Variants in PTPRM observed in about 807,000 individuals in gnomAD.
PTPRM encodes protein tyrosine phosphatase receptor type M.
In PTPRM, 47 loss-of-function variants were observed where a neutral mutation model predicts 186.7. That is an observed-to-expected ratio of 0.25 (90% CI 0.20 to 0.32). The LOEUF (loss-of-function observed/expected upper bound fraction) is 0.32. PTPRM is among the 10% of genes least tolerant of loss of function. The pLI, the probability that PTPRM is intolerant of heterozygous loss-of-function variation, is 1.00. For missense variants in PTPRM, 1,494 were observed against 1,865.0 expected (o/e 0.80, Z 3.66); for synonymous variants, 668 against 674.9 (o/e 0.99, Z 0.16).
At chr18:7,890,158 G>T (rs574764662) in intron 3 of PTPRM, among the ~76,000 whole-genome samples, 2 of 152,258 alleles carry the variant, frequency 1.3e-5, no homozygotes, top group African/African-American at 4.8e-5. Context: ...CAACTACGAG[G>T]AGGAATAAAG....
chr18:7,778,524 C>T (rs746198438), intron 2 of PTPRM, among the ~76,000 whole-genome samples: 3 of 151,928 alleles, frequency 2.0e-5, no homozygotes, highest in African/African-American at 4.8e-5. Flanking sequence ...TGAAGTGGCA[C>T]GATTTCAGAT....
chr18:7,930,364 C>G (rs60647787), intron 5 of PTPRM, among the ~76,000 whole-genome samples: 15,412 of 152,194 alleles, frequency 0.1, 846 homozygotes, highest in Middle Eastern at 0.29. Context: ...GCCACCATGC[C>G]CGACCTATTT....
chr18:7,880,974 TTTGCAAAA>T (rs1439056124), intron 2 of PTPRM, among the ~76,000 whole-genome samples: 3 of 152,322 alleles, frequency 2.0e-5, no homozygotes, highest in Non-Finnish European at 4.4e-5. Flanking sequence ...TTGATTTGAT[TTTGCAAAA>T]TGCAATTGAG....
intron 2 of PTPRM, among the ~76,000 whole-genome samples, chr18:7,813,625 C>G (rs149881736): frequency 1.8e-4 from 27 of 152,088 alleles, no homozygotes; most frequent in African/African-American, 6.5e-4. Context: ...CTTTTCTTCT[C>G]TTATCTCTTT....
intron 4 of PTPRM, among the ~76,000 whole-genome samples, chr18:7,922,865 G>A (rs2050945076): frequency 1.3e-5 from 2 of 152,134 alleles, no homozygotes; most frequent in Admixed American, 1.3e-4. Flanking sequence ...AAACCTCAGT[G>A]TTCAATAATG....
chr18:7,920,601 G>T (rs946192704), intron 4 of PTPRM, among the ~76,000 whole-genome samples: 1 of 152,058 alleles, frequency 6.6e-6, no homozygotes. Context: ...TTTGTCTTTT[G>T]GGCTTCACAA....
chr18:7,920,933 T>C (rs560958404), intron 4 of PTPRM, among the ~76,000 whole-genome samples: 17 of 152,336 alleles, frequency 1.1e-4, no homozygotes, highest in Middle Eastern at 3.4e-3. Flanking sequence ...TCTTATACAC[T>C]CCTGTTTTCA....
Position 8,336,780 on chromosome 18 carries a change from C to T in PTPRM, c.2957-6643C>T, listed in dbSNP as rs1259516026. On this transcript the variant is annotated intron_variant, in intron 22 of 32. Transcript: ENST00000580170. ...AGATCATGAGGTCAGGAGATCGAGA[C>T]GTTGGTGAAACCCCATCTCTGCTAA... is the stretch of plus-strand genomic sequence containing the variant. 5.3e-5 allele frequency among the ~76,000 whole-genome samples: 8 copies of T among 151,770 alleles called. No homozygotes were observed. The East Asian group carries it at 1.6e-3, about 29-fold the overall frequency.
intron 31 of PTPRM, among the ~76,000 whole-genome samples, chr18:8,392,892 T>C (rs2095823766): frequency 6.6e-6 from 1 of 152,042 alleles, no homozygotes; most frequent in Admixed American, 6.6e-5. Flanking sequence ...CACACTGAAA[T>C]AAACAAATCA....
At chr18:8,330,733 T>G (rs2095407842) in intron 22 of PTPRM, among the ~76,000 whole-genome samples, 1 of 151,964 alleles carries the variant, frequency 6.6e-6, no homozygotes, top group African/African-American at 2.4e-5. Flanking sequence ...AAGCTCAGTT[T>G]CTGAGCGTTC....
intron 23 of PTPRM, among the ~76,000 whole-genome samples, chr18:8,359,583 G>C (rs1049467678): frequency 2.0e-5 from 3 of 152,258 alleles, no homozygotes; most frequent in Non-Finnish European, 4.4e-5. Flanking sequence ...GTCTGCCACA[G>C]TCTTTGGGGT....
At chr18:7,985,614 C>CGTATATAAATATATACATATAA (rs2082918280) in intron 7 of PTPRM, among the ~76,000 whole-genome samples, 2 of 118,734 alleles carry the variant, frequency 1.7e-5, no homozygotes, top group African/African-American at 7.2e-5. Flanking sequence ...TATACATATA[C>CGTATATAAATATATACATATAA]TGGTAGATAC....
rs188645078 is a variant in PTPRM, at chr18:8,245,992, A to T, written c.2452+1783A>T. ...GCTTCCACAACTGATCGGCTATTAG[A>T]CGTTATTTTTTGCCTTCCTTCAATA... On this transcript the variant is annotated intron_variant, in intron 15 of 32. Transcript: ENST00000580170. 3.3e-3 allele frequency among the ~76,000 whole-genome samples: 501 copies of T among 152,272 alleles called. 2 individuals carry two copies. Among genetic ancestry groups the T allele is most frequent in the African/African-American group, 0.012 (483 of 41,546 alleles).
At chr18:8,083,629 C>A (rs2090271828) in intron 9 of PTPRM, among the ~76,000 whole-genome samples, 1 of 152,118 alleles carries the variant, frequency 6.6e-6, no homozygotes, top group Non-Finnish European at 1.5e-5. Flanking sequence ...CCAGCTCCAT[C>A]CCACCCTGTC....
chr18:8,080,738 C>A (rs895518673), intron 9 of PTPRM, among the ~76,000 whole-genome samples: 8 of 152,108 alleles, frequency 5.3e-5, no homozygotes, highest in Non-Finnish European at 1.0e-4. Context: ...TACTCAAGGG[C>A]TTCTGTGATC....
intron 1 of PTPRM, among the ~76,000 whole-genome samples, chr18:7,724,709 G>A (rs937771825): frequency 1.8e-4 from 27 of 152,202 alleles, no homozygotes; most frequent in African/African-American, 4.1e-4. Flanking sequence ...GTAGCAGAGC[G>A]ATTAGCAGAG....
At chr18:7,949,559 A>G (rs1296749285) in intron 6 of PTPRM, among the ~76,000 whole-genome samples, 1 of 152,212 alleles carries the variant, frequency 6.6e-6, no homozygotes, top group Admixed American at 6.5e-5. Context: ...ATCTATGTTG[A>G]TTTAGTTGCA....
At chr18:7,995,000 A>G (rs2147684469) in intron 7 of PTPRM, among the ~76,000 whole-genome samples, 1 of 152,236 alleles carries the variant, frequency 6.6e-6, no homozygotes, top group East Asian at 1.9e-4. Flanking sequence ...GGAGACAAAA[A>G]TAGAGACTAA....
chr18:8,326,525 C>T (rs1399113791), intron 22 of PTPRM, among the ~76,000 whole-genome samples: 2 of 152,192 alleles, frequency 1.3e-5, no homozygotes, highest in Non-Finnish European at 2.9e-5. Context: ...CTTTATGTGA[C>T]TTGAAACTGT....
Sources: gnomAD v4.1 joint callset for allele counts (sites outside exome capture counted in the v4.1 genomes callset) on GRCh38, gnomAD v4.1.1 for gene constraint, MANE v1.5 for transcripts, NCBI Gene and HGNC (gene_info 2026-07-23, HGNC 2026-07-21) for gene names.